Variants in NEK11 observed in about 807,000 individuals in gnomAD.
NEK11 encodes the protein NIMA related kinase 11.
NEK11 carries 72 observed loss-of-function variants against 80.7 expected under a neutral mutation model. That is an observed-to-expected ratio of 0.89 (90% CI 0.74 to 1.08). The LOEUF (loss-of-function observed/expected upper bound fraction) is 1.08. NEK11 is among the 50% of genes least tolerant of loss of function. The probability of loss-of-function intolerance (pLI) is 0.00; values close to 1 mark genes in which losing one functional copy is unlikely to be tolerated. For synonymous variants in NEK11, 251 were observed against 260.7 expected, an observed-to-expected ratio of 0.96 and a Z score of 0.36; for missense variants, 764 against 763.6, an observed-to-expected ratio of 1.00 and a Z score of -0.01.
intron 17 of NEK11, among the ~76,000 whole-genome samples, chr3:131,282,552 T>A (rs904746101): frequency 3.3e-5 from 5 of 152,158 alleles, no homozygotes; most frequent in Non-Finnish European, 4.4e-5. Context: ...CCTGGTATAG[T>A]GCTGCCGTGA....
chr3:131,138,820 T>C (rs1285407751), intron 7 of NEK11, among the ~76,000 whole-genome samples: 1 of 152,232 alleles, frequency 6.6e-6, no homozygotes, highest in African/African-American at 2.4e-5. Context: ...ACAGTGTTAC[T>C]GGGCTTGGGG....
intron 17 of NEK11, among the ~76,000 whole-genome samples, chr3:131,337,365 A>G (rs1464903276): frequency 6.6e-6 from 1 of 151,964 alleles, no homozygotes; most frequent in Admixed American, 6.6e-5. Flanking sequence ...TATCGCAACG[A>G]CAAAACACCA....
intron 14 of NEK11, among the ~76,000 whole-genome samples, chr3:131,185,189 G>T (rs561680450): frequency 6.6e-6 from 1 of 152,132 alleles, no homozygotes; most frequent in Non-Finnish European, 1.5e-5. Context: ...GGGCCATTAC[G>T]TGAAAATATT....
Position 131,319,761 on chromosome 3 carries a change from C to A in NEK11, c.1719-29796C>A, listed in dbSNP as rs962575324. Reference sequence around the variant, plus strand: ...AATCTCCTTCAAGGACACATACATTCATCCTGAATCTATAACTGAACCTTA... The same window carrying A: ...AATCTCCTTCAAGGACACATACATTAATCCTGAATCTATAACTGAACCTTA... On this transcript the variant is annotated intron_variant, in intron 17 of 17. Coordinates refer to ENST00000383366, the MANE Select transcript of NEK11 (RefSeq NM_024800.5). Among the ~76,000 whole-genome samples, 8 of 152,262 alleles carry A rather than the reference C, an allele frequency of 5.3e-5. No homozygotes were observed. In the East Asian group the frequency reaches 5.8e-4, roughly 11 times the overall value.
chr3:131,209,190 C>T (rs2094535134), intron 14 of NEK11, among the ~76,000 whole-genome samples: 1 of 152,050 alleles, frequency 6.6e-6, no homozygotes, highest in African/African-American at 2.4e-5. Flanking sequence ...GTTGAACTTT[C>T]TTGAAGGCTT....
intron 16 of NEK11, among the ~76,000 whole-genome samples, chr3:131,260,643 T>G (rs777696213): frequency 6.6e-6 from 1 of 152,150 alleles, no homozygotes; most frequent in Non-Finnish European, 1.5e-5. Flanking sequence ...CCTTTACAGA[T>G]AAAGGTTTGC....
chr3:131,333,360 C>T (rs1388385809), intron 17 of NEK11, among the ~76,000 whole-genome samples: 1 of 152,158 alleles, frequency 6.6e-6, no homozygotes, highest in Non-Finnish European at 1.5e-5. Flanking sequence ...TCATATCCAG[C>T]CAAACCAAGC....
intron 14 of NEK11, among the ~76,000 whole-genome samples, chr3:131,182,494 T>G (rs1032736995): frequency 6.6e-6 from 1 of 152,200 alleles, no homozygotes; most frequent in Non-Finnish European, 1.5e-5. Flanking sequence ...CAAACCCATC[T>G]CATTGTTCTG....
At chr3:131,319,804 C>G (rs2096879646) in intron 17 of NEK11, among the ~76,000 whole-genome samples, 1 of 152,102 alleles carries the variant, frequency 6.6e-6, no homozygotes, top group Non-Finnish European at 1.5e-5. Context: ...ATACACTATT[C>G]TTTATGGTGG....
At chr3:131,123,167 C>T (rs989750143) in intron 5 of NEK11, among the ~76,000 whole-genome samples, 6 of 151,910 alleles carry the variant, frequency 3.9e-5, no homozygotes, top group African/African-American at 1.2e-4. Flanking sequence ...CAATACATTA[C>T]GATTTTTTTT....
intron 4 of NEK11, among the ~76,000 whole-genome samples, chr3:131,096,734 A>C (rs1022086790): frequency 3.3e-5 from 5 of 151,416 alleles, no homozygotes; most frequent in African/African-American, 1.2e-4. Context: ...ATTTAATTTT[A>C]TTTTATTATT....
chr3:131,321,477 C>T (rs1169610672), intron 17 of NEK11, among the ~76,000 whole-genome samples: 1 of 151,988 alleles, frequency 6.6e-6, no homozygotes, highest in Admixed American at 6.6e-5. Flanking sequence ...AAAAGCAATT[C>T]CAACACAAGC....
intron 17 of NEK11, among the ~76,000 whole-genome samples, chr3:131,275,272 G>A (rs2096274542): frequency 6.6e-6 from 1 of 152,150 alleles, no homozygotes; most frequent in Admixed American, 6.5e-5. Context: ...TTAAAGAGAA[G>A]AAAAGTGGTT....
At chr3:131,302,171 A>AT (rs951901872) in intron 17 of NEK11, among the ~76,000 whole-genome samples, 85 of 150,744 alleles carry the variant, frequency 5.6e-4, no homozygotes, top group East Asian at 2.3e-3. Flanking sequence ...GTCTCTGAGG[A>AT]TTTTTTTTTA....
intron 7 of NEK11, among the ~76,000 whole-genome samples, chr3:131,142,607 G>A (rs1402653304): frequency 2.0e-5 from 3 of 152,124 alleles, no homozygotes; most frequent in East Asian, 1.9e-4. Flanking sequence ...TTTGATCATT[G>A]TTTCCATTGC....
At chr3:131,178,887 A>G (rs1005143107) in intron 14 of NEK11, among the ~76,000 whole-genome samples, 17 of 152,250 alleles carry the variant, frequency 1.1e-4, no homozygotes, top group African/African-American at 3.6e-4. Flanking sequence ...CCACAACTGT[A>G]TATGTGGTTC....
At chr3:131,084,240 A>G (rs544280539) in intron 4 of NEK11, among the ~76,000 whole-genome samples, 35 of 152,282 alleles carry the variant, frequency 2.3e-4, no homozygotes, top group African/African-American at 8.2e-4. Context: ...AGCATGTGGG[A>G]TTGATCTTTT....
Position 131,130,791 on chromosome 3 carries a change from C to T in NEK11, c.456-1954C>T, listed in dbSNP as rs564643795. On this transcript the variant is annotated intron_variant, in intron 5 of 17. Coordinates refer to ENST00000383366, the MANE Select transcript of NEK11 (RefSeq NM_024800.5). ...GTTGTGGTGTATAATTCTCCTGACA[C>T]AATGTTGGATATATATATGTATATT... Among the ~76,000 whole-genome samples, 7 of 152,054 alleles carry T rather than the reference C, an allele frequency of 4.6e-5. 1 individual carries two copies. The highest frequency in any genetic ancestry group is 8.8e-5 in the Non-Finnish European group (6 of 68,004).
At chr3:131,298,141 A>T (rs1429325713) in intron 17 of NEK11, among the ~76,000 whole-genome samples, 1 of 152,016 alleles carries the variant, frequency 6.6e-6, no homozygotes, top group East Asian at 1.9e-4. Context: ...TGACTTGGTG[A>T]TGCGGGCTCT....
Sources: gnomAD v4.1 joint callset for allele counts (sites outside exome capture counted in the v4.1 genomes callset) on GRCh38, gnomAD v4.1.1 for gene constraint, MANE v1.5 for transcripts, NCBI Gene and HGNC (gene_info 2026-07-23, HGNC 2026-07-21) for gene names.